The following HECW2 variants were observed in gnomAD, a reference collection of about 807,000 sequenced individuals.
HECW2 encodes the protein E3 ubiquitin-protein ligase HECW2.
Under a neutral mutation model 175.2 loss-of-function variants are expected in HECW2, and 61 were observed. The ratio of observed to expected loss-of-function variants is 0.35; its 90% CI spans 0.28 to 0.43. HECW2 has a LOEUF of 0.43. Among genes scored for constraint, HECW2 ranks in the 20% least tolerant of loss-of-function variants. The pLI is 1.00. For missense variants in HECW2, 1,524 were observed against 2,000.5 expected (o/e 0.76, Z 4.54); for synonymous variants, 671 against 731.0 (o/e 0.92, Z 1.32).
intron 21 of HECW2, chr2:196,240,190 C>T (rs10176517): frequency 0.12 from 35,217 of 289,140 alleles, 3,006 homozygotes; most frequent in African/African-American, 0.27. Flanking sequence ...AAGAGAGGTC[C>T]GGAGAGAAGA....
At chr2:196,329,847 C>T (rs1692291666) in intron 4 of HECW2, among the ~76,000 whole-genome samples, 197 bp from the exon 5 acceptor site, 1 of 152,104 alleles carries the variant, frequency 6.6e-6, no homozygotes, top group South Asian at 2.1e-4. Flanking sequence ...TTAATCTTTA[C>T]CACAAATAAA....
chr2:196,322,435 T>C, intron 7 of HECW2, 43 bp downstream of exon 7: 1 of 1,557,762 alleles, frequency 6.4e-7, no homozygotes, highest in Non-Finnish European at 8.7e-7. Context: ...TTTTCCTATA[T>C]GAACTAATCT....
chr2:196,421,761 G>A (rs149553616), intron 2 of HECW2, among the ~76,000 whole-genome samples: 1 of 152,240 alleles, frequency 6.6e-6, no homozygotes, highest in East Asian at 1.9e-4. Flanking sequence ...AATACAATAA[G>A]GGTAATGTTT....
At chr2:196,396,400 C>G (rs1176968369) in intron 2 of HECW2, among the ~76,000 whole-genome samples, 1 of 151,996 alleles carries the variant, frequency 6.6e-6, no homozygotes, top group African/African-American at 2.4e-5. Flanking sequence ...TATGCAGAAC[C>G]AAAAAGATAG....
intron 1 of HECW2, among the ~76,000 whole-genome samples, chr2:196,521,751 T>C (rs1363698325): frequency 4.7e-5 from 7 of 149,988 alleles, no homozygotes; most frequent in Admixed American, 2.7e-4. Context: ...TTTGTTCTTG[T>C]GATAGTTTAC....
chr2:196,274,866 T>C (rs1243982268), intron 15 of HECW2, among the ~76,000 whole-genome samples: 1 of 152,246 alleles, frequency 6.6e-6, no homozygotes, highest in Admixed American at 6.5e-5. Context: ...AATGTTGTTT[T>C]TGCTTCTGCT....
chr2:196,555,636 G>A (rs1269421998), intron 1 of HECW2, among the ~76,000 whole-genome samples: 1 of 152,076 alleles, frequency 6.6e-6, no homozygotes, highest in African/African-American at 2.4e-5. Flanking sequence ...AAGGTACAGT[G>A]ACTTTAACTG....
At chr2:196,245,097 A>T (rs143469431) in intron 19 of HECW2, among the ~76,000 whole-genome samples, 1 of 152,352 alleles carries the variant, frequency 6.6e-6, no homozygotes, top group Admixed American at 6.5e-5. Flanking sequence ...GACTCAGAGA[A>T]ACATCTACAA....
chr2:196,527,845 T>C (rs983683609), intron 1 of HECW2, among the ~76,000 whole-genome samples: 2 of 152,228 alleles, frequency 1.3e-5, no homozygotes, highest in Non-Finnish European at 2.9e-5. Context: ...GTGACTTTTA[T>C]GTCCTGGTTA....
rs553508274 is a variant in HECW2, at chr2:196,322,042, C to T, written c.884+436G>A. On this transcript the variant is annotated intron_variant, in intron 7 of 28. Transcript: ENST00000644978. ...TATGTCTAGGAGCTTTATTATAACA[C>T]TTCTTCAAGTCTAGGTCTCGTTTTA... 1.4e-3 allele frequency among the ~76,000 whole-genome samples: 208 copies of T among 152,276 alleles called. 1 individual carries two copies. Among genetic ancestry groups the T allele is most frequent in the African/African-American group, 4.5e-3 (189 of 41,550 alleles).
rs115190494 is a variant in HECW2 at position 196,482,985 on chromosome 2, G to A, written c.-35-49527C>T. Among the ~76,000 whole-genome samples, 486 of 151,086 alleles carry A rather than the reference G, an allele frequency of 3.2e-3. 2 individuals are homozygous for A. Among genetic ancestry groups the A allele is most frequent in the African/African-American group, 9.3e-3 (382 of 41,052 alleles). On this transcript the variant is annotated intron_variant, in intron 1 of 28. Coordinates refer to ENST00000644978, the MANE Select transcript of HECW2 (RefSeq NM_001348768.2). The stretch of plus-strand genomic sequence containing the variant: ...CCAGTTTTGCCAACAGCTACAACTC[G>A]TTGGCTTACCTCGAGAAAACTAAGG...
In HECW2 at chr2:196,449,485, C is replaced by T. The variant is rs183436311; in HGVS notation, c.-35-16027G>A. On this transcript the variant is annotated intron_variant, in intron 1 of 28. Coordinates refer to ENST00000644978, the MANE Select transcript of HECW2 (RefSeq NM_001348768.2). The stretch of plus-strand genomic sequence containing the variant: ...ACTATATGACCATAAGTAAAATTGC[C>T]GATTTCTTTCTATGGATGCTGAAAG... Among the ~76,000 whole-genome samples, 9 of 152,146 alleles carry T rather than the reference C, an allele frequency of 5.9e-5. No individual in the cohort carries two copies. In the East Asian group the frequency reaches 1.5e-3, roughly 26 times the overall value.
At chr2:196,533,055 A>T (rs184501314) in intron 1 of HECW2, among the ~76,000 whole-genome samples, 23 of 152,326 alleles carry the variant, frequency 1.5e-4, no homozygotes, top group Admixed American at 4.6e-4. Context: ...GTGGAGACCA[A>T]CTGAATTTCC....
At chr2:196,588,244 T>C (rs1277374092) in intron 1 of HECW2, among the ~76,000 whole-genome samples, 1 of 152,188 alleles carries the variant, frequency 6.6e-6, no homozygotes, top group East Asian at 1.9e-4. Context: ...TTCATTGATA[T>C]ATTCCCAGCA....
intron 1 of HECW2, among the ~76,000 whole-genome samples, chr2:196,541,041 C>T (rs1689194559): frequency 6.6e-6 from 1 of 152,102 alleles, no homozygotes; most frequent in African/African-American, 2.4e-5. Flanking sequence ...CCTTACCAAC[C>T]TCATCCAAGT....
Position 196,209,241 on chromosome 2 carries a change from C to T in HECW2, c.4607+6624G>A, listed in dbSNP as rs144268020. On this transcript the variant is annotated intron_variant, in intron 28 of 28. Transcript: ENST00000644978. ...CAGCAGCAACAATGCTGATGGAATG[C>T]AAGTGGAATGATTATCTCATTCCAT... 4.5e-3 allele frequency among the ~76,000 whole-genome samples: 680 copies of T among 152,280 alleles called. 3 individuals carry two copies. Among genetic ancestry groups the T allele is most frequent in the African/African-American group, 0.016 (655 of 41,540 alleles).
rs1391699669 is a variant in HECW2, at chr2:196,318,775, A to G, written c.2115T>C (p.Gly705=). The G allele has an allele frequency of 2.0e-6, 3 of 1,526,856 alleles. No individual in the cohort carries two copies. In the East Asian group the frequency reaches 6.9e-5, roughly 35 times the overall value. 94.6% of individuals were successfully genotyped at this position (1,526,856 alleles called of 1,614,324 possible). Residue 705 remains glycine, a synonymous_variant, in exon 9 of 29, where the codon GGT becomes GGC. Transcript: ENST00000644978. ...TGGGCACCTGTACCACAGGTAAAGAACCAGCAGTGCACACGGATTCCTGCG... is the reference window on the plus strand; with the variant it reads ...TGGGCACCTGTACCACAGGTAAAGAGCCAGCAGTGCACACGGATTCCTGCG... ...EGSQESVCTA[G]SLPVVQVPSG...
At chr2:196,453,151 G>T (rs1273305433) in intron 1 of HECW2, among the ~76,000 whole-genome samples, 2 of 152,160 alleles carry the variant, frequency 1.3e-5, no homozygotes, top group Non-Finnish European at 2.9e-5. Context: ...GAAGGGGTAG[G>T]CTTCATTCCT....
At chr2:196,241,488 G>A (rs577402123) in intron 20 of HECW2, among the ~76,000 whole-genome samples, 77 of 152,300 alleles carry the variant, frequency 5.1e-4, no homozygotes, top group South Asian at 3.1e-3. Flanking sequence ...TCTCTCAGTG[G>A]CAGACTGATC....
Sources: gnomAD v4.1 joint callset for allele counts (sites outside exome capture counted in the v4.1 genomes callset) on GRCh38, gnomAD v4.1.1 for gene constraint, MANE v1.5 for transcripts, NCBI Gene and HGNC (gene_info 2026-07-23, HGNC 2026-07-21) for gene names.